BFAR: variants seen among roughly 807,000 people sequenced by gnomAD.
BFAR encodes RING finger protein 47.
In BFAR, 52 loss-of-function variants were observed where a neutral mutation model predicts 54.4. The observed-to-expected ratio is 0.96, with a 90% CI of 0.77 to 1.21. The LOEUF (loss-of-function observed/expected upper bound fraction) is 1.21. Among genes scored for constraint, BFAR ranks in the 50% most tolerant of loss-of-function variants. The probability of loss-of-function intolerance (pLI) is 0.00; values close to 1 mark genes in which losing one functional copy is unlikely to be tolerated. For missense variants in BFAR, 571 were observed against 534.0 expected (o/e 1.07, Z -0.68); for synonymous variants, 215 against 204.3 (o/e 1.05, Z -0.45).
chr16:14,649,417 C>G (rs914567904), intron 3 of BFAR, among the ~76,000 whole-genome samples: 4 of 152,168 alleles, frequency 2.6e-5, no homozygotes, highest in African/African-American at 9.6e-5. Flanking sequence ...AGTTTACTAA[C>G]TTCCAATGTG....
At chr16:14,646,392 T>C (rs192490849) in intron 2 of BFAR, among the ~76,000 whole-genome samples, 4 of 152,234 alleles carry the variant, frequency 2.6e-5, no homozygotes, top group African/African-American at 7.2e-5. Context: ...TTCACAGTTT[T>C]GGCCAGGCTG....
intron 4 of BFAR, among the ~76,000 whole-genome samples, chr16:14,654,839 C>G (rs900108914): frequency 6.6e-6 from 1 of 152,114 alleles, no homozygotes; most frequent in African/African-American, 2.4e-5. Flanking sequence ...TGCCACTACC[C>G]TGAATAATTG....
chr16:14,634,069 CAG>C (rs899589330), intron 1 of BFAR, among the ~76,000 whole-genome samples: 5 of 152,242 alleles, frequency 3.3e-5, no homozygotes, highest in Admixed American at 6.5e-5. Flanking sequence ...CCGCGGAAAA[CAG>C]AGTGAGAGCC....
At chr16:14,658,042 T>A (rs2151842579) in intron 5 of BFAR, among the ~76,000 whole-genome samples, 1 of 152,238 alleles carries the variant, frequency 6.6e-6, no homozygotes, top group Admixed American at 6.5e-5. Flanking sequence ...GAACTGGGGT[T>A]TGTCATCTTG....
intron 5 of BFAR, among the ~76,000 whole-genome samples, chr16:14,656,396 G>A (rs1960129831): frequency 6.6e-6 from 1 of 151,898 alleles, no homozygotes; most frequent in African/African-American, 2.4e-5. Context: ...TTAGTTGAGT[G>A]TGGTGATGCC....
intron 2 of BFAR, among the ~76,000 whole-genome samples, chr16:14,647,306 A>T (rs1959828284): frequency 6.6e-6 from 1 of 151,724 alleles, no homozygotes; most frequent in Non-Finnish European, 1.5e-5. Context: ...GCTGGTCTGG[A>T]ACTCCTGACC....
intron 5 of BFAR, among the ~76,000 whole-genome samples, chr16:14,659,655 A>G (rs935766808): frequency 6.6e-6 from 1 of 151,710 alleles, no homozygotes; most frequent in African/African-American, 2.4e-5. Flanking sequence ...GGTTCACACC[A>G]TTCTCCTGCC....
chr16:14,636,107 A>T (rs1174991882), intron 1 of BFAR, among the ~76,000 whole-genome samples: 2 of 152,244 alleles, frequency 1.3e-5, no homozygotes, highest in African/African-American at 4.8e-5. Context: ...TGATGTCTCC[A>T]GGAATGGACC....
At chr16:14,656,657 G>A (rs1960137673) in intron 5 of BFAR, among the ~76,000 whole-genome samples, 2 of 152,150 alleles carry the variant, frequency 1.3e-5, no homozygotes, top group South Asian at 2.1e-4. Flanking sequence ...TTAACGGAAA[G>A]TTGTTAAACA....
chr16:14,664,215 A>G (rs986578771), intron 6 of BFAR, among the ~76,000 whole-genome samples: 2 of 152,074 alleles, frequency 1.3e-5, no homozygotes, highest in African/African-American at 2.4e-5. Flanking sequence ...AGGGGCATAC[A>G]TGCTTCAGAA....
At chr16:14,652,793 A>G (rs1336266735) in intron 4 of BFAR, among the ~76,000 whole-genome samples, 1 of 152,114 alleles carries the variant, frequency 6.6e-6, no homozygotes, top group Non-Finnish European at 1.5e-5. Flanking sequence ...ATGTATATAT[A>G]TATTTACATC....
rs368789613 is a variant in BFAR at position 14,655,981 on chromosome 16, G to T, written c.783+771G>T. ...TCCCAGCACTTTGGGAGGCCGAGGC[G>T]GGGGGATGACCTGAGGTCAGCAGTT... On this transcript the variant is annotated intron_variant, in intron 5 of 7. Coordinates refer to ENST00000261658, the MANE Select transcript of BFAR (RefSeq NM_016561.3). Among the ~76,000 whole-genome samples the T allele has an allele frequency of 1.4e-3, 207 of 152,082 alleles. 2 individuals are homozygous for T. The highest frequency in any genetic ancestry group is 0.011 in the Admixed American group (169 of 15,240).
intron 4 of BFAR, among the ~76,000 whole-genome samples, chr16:14,652,248 G>T (rs373838256): frequency 6.6e-6 from 1 of 151,564 alleles, no homozygotes; most frequent in Non-Finnish European, 1.5e-5. Flanking sequence ...AACTATGGAC[G>T]AAAGCCAATA....
At position 14,655,175 on chromosome 16, in the gene BFAR, G is replaced by T; in HGVS notation, c.748G>T (p.Gly250Cys). 6.4e-7 allele frequency: 1 copy of T among 1,570,392 alleles called. No homozygotes were observed. Among genetic ancestry groups the T allele is most frequent in the African/African-American group, 1.4e-5 (1 of 73,320 alleles). The stretch of plus-strand genomic sequence containing the variant: ...GGAGCTAGAACGTGTCAAAGCATTA[G>T]GCGTGAAGCCCCCCCAGAATCTCTG... Reference protein sequence around the residue: ...LMELERVKALGVKPPQNLWEY... With the variant: ...LMELERVKALCVKPPQNLWEY... Residue 250 changes from glycine to cysteine, a missense_variant, in exon 5 of 8, where the codon GGC (glycine) becomes TGC (cysteine). By Grantham distance (159) the Gly-to-Cys change is radical (BLOSUM62 -3). Coordinates refer to ENST00000261658, the MANE Select transcript of BFAR (RefSeq NM_016561.3).
intron 1 of BFAR, 96 bp downstream of exon 1, chr16:14,633,114 G>A (rs1048210221): frequency 6.6e-6 from 1 of 152,308 alleles, no homozygotes; most frequent in African/African-American, 2.4e-5. Flanking sequence ...CTTCTGCGGA[G>A]CCTCCCCAGC....
chr16:14,641,572 A>G (rs1959629415), intron 1 of BFAR, among the ~76,000 whole-genome samples: 1 of 148,464 alleles, frequency 6.7e-6, no homozygotes, highest in Middle Eastern at 3.7e-3. Context: ...AAAAAAGTAT[A>G]CTATAGAGGC....
chr16:14,633,924 A>G (rs1264049534), intron 1 of BFAR, among the ~76,000 whole-genome samples: 2 of 152,154 alleles, frequency 1.3e-5, no homozygotes, highest in Non-Finnish European at 2.9e-5. Context: ...AAGTGGGGAG[A>G]TTACAGGCGT....
intron 1 of BFAR, among the ~76,000 whole-genome samples, chr16:14,635,563 C>T (rs532744982): frequency 6.6e-6 from 1 of 152,220 alleles, no homozygotes; most frequent in South Asian, 2.1e-4. Flanking sequence ...GGATAGCCTT[C>T]TCAGCCCGCC....
chr16:14,655,223 AT>A lies in BFAR; in HGVS notation c.783+31del, dbSNP rs71373038. On this transcript the variant is annotated intron_variant, in intron 5 of 7. Transcript: ENST00000261658. ...CTGGGAATATAAGGTGAACACTTTA[AT>A]TTTTTTTTTTTTTTTTTACTTTTTA... The A allele has an allele frequency of 0.24, 261,666 of 1,096,632 alleles. 533 individuals are homozygous for A. Among genetic ancestry groups the A allele is most frequent in the Non-Finnish European group, 0.25 (211,035 of 849,844 alleles). 67.9% of individuals were successfully genotyped at this position (1,096,632 alleles called of 1,614,324 possible).
Sources: gnomAD v4.1 joint callset for allele counts (sites outside exome capture counted in the v4.1 genomes callset) on GRCh38, gnomAD v4.1.1 for gene constraint, MANE v1.5 for transcripts, NCBI Gene and HGNC (gene_info 2026-07-23, HGNC 2026-07-21) for gene names.